The following TRAF3IP3 variants were observed in gnomAD, a reference collection of about 807,000 sequenced individuals.
The protein encoded by TRAF3IP3 is TRAF3-interacting JNK-activating modulator.
A neutral mutation model predicts 86.5 loss-of-function variants in TRAF3IP3; 64 were observed. The ratio of observed to expected loss-of-function variants is 0.74; its 90% CI spans 0.60 to 0.91. TRAF3IP3 has a LOEUF of 0.91. TRAF3IP3 is among the 40% of genes least tolerant of loss of function. TRAF3IP3 has a pLI of 0.00. For synonymous variants in TRAF3IP3, 220 were observed against 243.9 expected, an observed-to-expected ratio of 0.90 and a Z score of 0.91; for missense variants, 579 against 642.9, an observed-to-expected ratio of 0.90 and a Z score of 1.07.
rs1183419269 is a variant in TRAF3IP3 at position 209,762,674 on chromosome 1, G to A, written c.493+12G>A. The A allele has an allele frequency of 7.6e-7, 1 of 1,315,096 alleles. No homozygotes were observed. Among genetic ancestry groups the A allele is most frequent in the Admixed American group, 2.4e-5 (1 of 40,830 alleles). 81.5% of individuals were successfully genotyped at this position (1,315,096 alleles called of 1,614,324 possible). A position where few individuals can be genotyped will look rare whatever the true frequency, so the allele number is the denominator to read the frequency against. ...CAAACACCACCGTGGTAAGAGCAGA[G>A]CCTCCCTCACTCCACAGGGCCTGCA... On this transcript the variant is annotated intron_variant, in intron 4 of 16. Transcript: ENST00000367025.
intron 1 of TRAF3IP3, among the ~76,000 whole-genome samples, chr1:209,756,826 A>G (rs1456746177): frequency 1.3e-5 from 2 of 152,186 alleles, no homozygotes; most frequent in Non-Finnish European, 2.9e-5. Context: ...GTGAGGAGCC[A>G]TGCCCTGTTC....
At position 209,781,351 on chromosome 1, in the gene TRAF3IP3, G is replaced by T; in HGVS notation, c.1456G>T (p.Glu486Ter). 3.1e-6 allele frequency: 5 copies of T among 1,610,612 alleles called. No homozygotes were observed. In the South Asian group the frequency reaches 5.5e-5, roughly 18 times the overall value. The change falls in exon 16 of 17, where the codon GAA (glutamate) becomes TAA (stop). Residue 486 changes from glutamate (E) to a stop codon, truncating the protein, a stop_gained. Transcript: ENST00000367025. LOFTEE classifies it high-confidence loss of function. ...QLQAKEKECR[E>*]LHSELDNLSD... ...TTGGTGATGTTCTCCCCAGTGCAGA[G>T]AACTGCATTCAGAATTAGACAACCT...
In TRAF3IP3 at chr1:209,760,077, C is replaced by G. The variant is rs1415480984; in HGVS notation, c.38C>G (p.Ala13Gly). ...SPDPRPSPGL[A>G]RWAESYEAKC... ...GACCCCAGGCCCTCCCCTGGCTTGG[C>G]CCGGTGGGCTGAGAGCTATGAGGCC... Residue 13 changes from alanine to glycine, a missense_variant, in exon 3 of 17, where the codon GCC becomes GGC. By Grantham distance (60) the Ala-to-Gly change is moderately conservative. Coordinates refer to ENST00000367025, the MANE Select transcript of TRAF3IP3 (RefSeq NM_025228.4). 15 of 1,614,000 alleles carry G rather than the reference C, an allele frequency of 9.3e-6. No individual in the cohort carries two copies. The highest frequency in any genetic ancestry group is 1.3e-5 in the Non-Finnish European group (15 of 1,179,952).
rs1180465449 is a variant in TRAF3IP3 at position 209,763,560 on chromosome 1, G to C, written c.675G>C (p.Leu225=). 1.2e-6 allele frequency: 2 copies of C among 1,614,072 alleles called. No individual in the cohort carries two copies. Among genetic ancestry groups the C allele is most frequent in the African/African-American group, 2.7e-5 (2 of 74,932 alleles). Residue 225 remains leucine (L), a synonymous_variant, in exon 8 of 17, where the codon CTG becomes CTC. Coordinates refer to ENST00000367025, the MANE Select transcript of TRAF3IP3 (RefSeq NM_025228.4). The part of the protein sequence containing the change: ...MVILQDLLST[L]IQASDSSWKG... ...TTCTCCAAGACCTACTGTCCACTCT[G>C]ATTCAGGCCTCTGACAGCTCTTGGA...
intron 8 of TRAF3IP3, among the ~76,000 whole-genome samples, chr1:209,771,371 G>A (rs1010411607): frequency 3.0e-5 from 3 of 99,772 alleles, no homozygotes; most frequent in African/African-American, 9.5e-5. Flanking sequence ...GCAGCTGGAG[G>A]TGTGTGTGCA....
chr1:209,771,514 G>A (rs909139099), intron 8 of TRAF3IP3, among the ~76,000 whole-genome samples: 6 of 129,734 alleles, frequency 4.6e-5, no homozygotes, highest in Non-Finnish European at 8.1e-5. Context: ...TGTGTGTGAA[G>A]GTGTGTGTGT....
chr1:209,763,966 T>C (rs2102443481), intron 8 of TRAF3IP3, among the ~76,000 whole-genome samples: 1 of 152,350 alleles, frequency 6.6e-6, no homozygotes, highest in East Asian at 1.9e-4. Flanking sequence ...CAGCATGCCA[T>C]GTACCCACTC....
chr1:209,765,178 G>GGAGAGAGAGAGAGAGAGAGA (rs375415223), intron 8 of TRAF3IP3, among the ~76,000 whole-genome samples: 21 of 87,870 alleles, frequency 2.4e-4, no homozygotes, highest in East Asian at 2.4e-3. Context: ...CTGAGAGACA[G>GGAGAGAGAGAGAGAGAGAGA]GAGAGAGAGA....
chr1:209,771,320 T>C (rs530641515), intron 8 of TRAF3IP3, among the ~76,000 whole-genome samples: 121 of 143,148 alleles, frequency 8.5e-4, no homozygotes, highest in East Asian at 5.1e-3. Flanking sequence ...GGTGTGTGTG[T>C]GCATGTGGAG....
chr1:209,766,245 T>C (rs1298589006), intron 8 of TRAF3IP3, among the ~76,000 whole-genome samples: 2 of 152,258 alleles, frequency 1.3e-5, no homozygotes, highest in Non-Finnish European at 2.9e-5. Context: ...GTCATTTTCA[T>C]TGACAGAGCA....
intron 3 of TRAF3IP3, 124 bp from the exon 4 acceptor site, chr1:209,762,391 G>A (rs574423346): frequency 2.7e-5 from 25 of 938,240 alleles, no homozygotes; most frequent in Admixed American, 1.1e-4. Flanking sequence ...AGATTTGGGC[G>A]GGGGGACAAT....
intron 12 of TRAF3IP3, chr1:209,777,752 G>T: frequency 2.0e-6 from 1 of 500,674 alleles, no homozygotes; most frequent in Non-Finnish European, 3.5e-6. Flanking sequence ...GATCACAGCT[G>T]CTCCCACATC....
intron 6 of TRAF3IP3, 35 bp downstream of exon 6, chr1:209,763,127 G>T: frequency 6.2e-7 from 1 of 1,603,690 alleles, no homozygotes; most frequent in Non-Finnish European, 8.5e-7. Flanking sequence ...GGTCAAATCA[G>T]AAAGTATTAA....
In TRAF3IP3 at chr1:209,760,289, G is replaced by A. The variant is rs768119914; in HGVS notation, c.250G>A (p.Ala84Thr). 7 of 1,614,120 alleles carry A rather than the reference G, an allele frequency of 4.3e-6. No homozygotes were observed. Among genetic ancestry groups the A allele is most frequent in the Non-Finnish European group, 5.1e-6 (6 of 1,180,048 alleles). ...EEKGKAQHPQ[A>T]REQGPSRRPG... Reference sequence around the variant, plus strand: ...GAAGGGCAAAGCGCAGCATCCCCAGGCCAGGGAGCAAGGGCCCTCCAGGCG... The same window carrying A: ...GAAGGGCAAAGCGCAGCATCCCCAGACCAGGGAGCAAGGGCCCTCCAGGCG... The change falls in exon 3 of 17, where the codon GCC (alanine) becomes ACC (threonine). Residue 84 changes from alanine to threonine, a missense_variant. By Grantham distance (58) the Ala-to-Thr change is moderately conservative. Transcript: ENST00000367025.
chr1:209,765,260 AG>A (rs2077333608), intron 8 of TRAF3IP3, among the ~76,000 whole-genome samples: 1 of 147,354 alleles, frequency 6.8e-6, no homozygotes, highest in East Asian at 2.0e-4. Context: ...GAAGGAAGGA[AG>A]GAAGGAAGGA....
In TRAF3IP3 at chr1:209,773,365, T is replaced by A. The variant is rs552683493; in HGVS notation, c.774+346T>A. On this transcript the variant is annotated intron_variant, in intron 9 of 16. Transcript: ENST00000367025. ...CATCACCCAGACAGCCCTTTACGCA[T>A]CCTAATCTTTGAACAGATGAGTTAG... Among the ~76,000 whole-genome samples the A allele has an allele frequency of 2.6e-5, 4 of 152,366 alleles. No individual in the cohort carries two copies. In the South Asian group the frequency reaches 6.2e-4, roughly 24 times the overall value.
chr1:209,763,854 T>C (rs1221981919), intron 8 of TRAF3IP3, among the ~76,000 whole-genome samples: 1 of 152,200 alleles, frequency 6.6e-6, no homozygotes, highest in Non-Finnish European at 1.5e-5. Flanking sequence ...ATTTTTTAAT[T>C]TGTTGGAAGG....
intron 3 of TRAF3IP3, among the ~76,000 whole-genome samples, chr1:209,761,814 A>G (rs547126210): frequency 1.3e-5 from 2 of 152,266 alleles, no homozygotes; most frequent in Non-Finnish European, 2.9e-5. Flanking sequence ...CACTCAGACC[A>G]GTTCTCTTTC....
At chr1:209,763,962 G>A (rs891281843) in intron 8 of TRAF3IP3, among the ~76,000 whole-genome samples, 8 of 152,188 alleles carry the variant, frequency 5.3e-5, no homozygotes, top group Non-Finnish European at 1.2e-4. Flanking sequence ...AAACCAGCAT[G>A]CCATGTACCC....
Sources: allele counts gnomAD v4.1 joint callset (sites outside exome capture counted in the v4.1 genomes callset), GRCh38; gene constraint gnomAD v4.1.1; transcripts MANE v1.5; gene names NCBI Gene and HGNC (gene_info 2026-07-23, HGNC 2026-07-21).